Variants in FER1L6 observed in about 807,000 individuals in gnomAD.
The protein encoded by FER1L6 is fer-1-like protein 6.
FER1L6 carries 177 observed loss-of-function variants against 219.2 expected under a neutral mutation model. The observed-to-expected ratio is 0.81, with a 90% confidence interval of 0.71 to 0.91. FER1L6 has a LOEUF of 0.91. Ranked by LOEUF, FER1L6 falls within the 40% of genes least tolerant of loss-of-function variation. FER1L6 has a pLI of 0.00. For synonymous variants in FER1L6, 768 were observed against 824.3 expected, an observed-to-expected ratio of 0.93 and a Z score of 1.17; for missense variants, 2,153 against 2,259.9, an observed-to-expected ratio of 0.95 and a Z score of 0.96.
chr8:123,891,542 A>G lies in FER1L6; in HGVS notation c.-8+39357A>G, dbSNP rs1016810928. ...AGAATGTTAGCAATTAGATACATGC[A>G]ATGAGTAACCTACTTTAATACAGTG... On this transcript the variant is annotated intron_variant, in intron 1 of 40. Coordinates refer to ENST00000522917, the MANE Select transcript of FER1L6 (RefSeq NM_001039112.2). 5.3e-5 allele frequency among the ~76,000 whole-genome samples: 8 copies of G among 152,354 alleles called. No individual in the cohort carries two copies. In the East Asian group the frequency reaches 1.5e-3, roughly 29 times the overall value.
chr8:124,076,431 C>A, intron 32 of FER1L6, 106 bp downstream of exon 32: 2 of 1,135,602 alleles, frequency 1.8e-6, no homozygotes, highest in Non-Finnish European at 2.6e-6. Context: ...TGAAATGGTT[C>A]CAGGAGGTTA....
rs1402824205 is a variant in FER1L6, at chr8:124,094,961, G to C, written c.4618G>C (p.Glu1540Gln). 1 of 1,614,032 alleles carries C rather than the reference G, an allele frequency of 6.2e-7. No homozygotes were observed. The highest frequency in any genetic ancestry group is 8.5e-7 in the Non-Finnish European group (1 of 1,180,004). The change falls in exon 35 of 41, where the codon GAA (glutamate) becomes CAA (glutamine). Residue 1540 changes from glutamate to glutamine, a missense_variant. Coordinates refer to ENST00000522917, the MANE Select transcript of FER1L6 (RefSeq NM_001039112.2). Reference sequence around the variant, plus strand: ...TTTACACTCTTGGGAGGATATCCCGGAAGTCGGGTGTAGGCTGGTTCCTGA... The same window carrying C: ...TTTACACTCTTGGGAGGATATCCCGCAAGTCGGGTGTAGGCTGGTTCCTGA... ...KVLHSWEDIPEVGCRLVPEHI... is the reference protein window; with the variant it reads ...KVLHSWEDIPQVGCRLVPEHI...
chr8:124,057,559 G>A (rs1046717316), intron 22 of FER1L6, among the ~76,000 whole-genome samples: 7 of 152,038 alleles, frequency 4.6e-5, no homozygotes, highest in African/African-American at 1.7e-4. Context: ...CTTCTGTCCT[G>A]TTCTATTCCT....
At chr8:123,854,050 C>T (rs578160392) in intron 1 of FER1L6, among the ~76,000 whole-genome samples, 51 of 152,278 alleles carry the variant, frequency 3.3e-4, no homozygotes, top group Non-Finnish European at 4.6e-4. Context: ...CTGGCAGGCT[C>T]CTGTCAGTCC....
intron 6 of FER1L6, among the ~76,000 whole-genome samples, chr8:123,971,735 G>A (rs1815825433): frequency 6.6e-6 from 1 of 152,210 alleles, no homozygotes; most frequent in Non-Finnish European, 1.5e-5. Flanking sequence ...TACGACATGG[G>A]ATAAGAAGTG....
intron 1 of FER1L6, chr8:123,924,655 C>CA (rs987075174): frequency 6.6e-6 from 1 of 152,228 alleles, no homozygotes; most frequent in African/African-American, 2.4e-5. Flanking sequence ...CCCTGGCACT[C>CA]AGAGGCATCC....
chr8:124,037,362 G>A (rs186663298), intron 19 of FER1L6, among the ~76,000 whole-genome samples: 54 of 152,290 alleles, frequency 3.5e-4, no homozygotes, highest in Non-Finnish European at 6.9e-4. Flanking sequence ...CACTCCTGTC[G>A]GGAAATCCCT....
chr8:124,043,775 G>A (rs1376153350), intron 20 of FER1L6, among the ~76,000 whole-genome samples: 2 of 152,216 alleles, frequency 1.3e-5, no homozygotes, highest in Admixed American at 6.5e-5. Flanking sequence ...CACTGAATGA[G>A]GACGAAGTTA....
At chr8:124,113,114 A>G (rs1032272586) in intron 39 of FER1L6, among the ~76,000 whole-genome samples, 1 of 152,160 alleles carries the variant, frequency 6.6e-6, no homozygotes, top group African/African-American at 2.4e-5. Context: ...ACATTATACT[A>G]GCAATATTAT....
chr8:124,079,401 T>TA (rs1821435709), intron 32 of FER1L6, among the ~76,000 whole-genome samples: 1 of 152,222 alleles, frequency 6.6e-6, no homozygotes, highest in Non-Finnish European at 1.5e-5. Context: ...AAAGCCTACT[T>TA]AGATTATCAA....
At chr8:124,019,293 ACT>A (rs1818346874) in intron 16 of FER1L6, among the ~76,000 whole-genome samples, 1 of 151,984 alleles carries the variant, frequency 6.6e-6, no homozygotes, top group South Asian at 2.1e-4. Flanking sequence ...CTGTCTTCTT[ACT>A]CTCTGATGAA....
chr8:124,029,279 C>A (rs1818855040), intron 18 of FER1L6, among the ~76,000 whole-genome samples: 1 of 152,108 alleles, frequency 6.6e-6, no homozygotes, highest in Non-Finnish European at 1.5e-5. Context: ...ATTTATAATC[C>A]TTTGGGTATA....
intron 1 of FER1L6, among the ~76,000 whole-genome samples, chr8:123,893,615 T>C (rs919796004): frequency 7.9e-5 from 12 of 152,354 alleles, no homozygotes; most frequent in African/African-American, 2.9e-4. Flanking sequence ...TGTGTTTATT[T>C]GCATACATTT....
chr8:124,061,722 A>G, intron 24 of FER1L6, 130 bp from the exon 25 acceptor site: 1 of 794,630 alleles, frequency 1.3e-6, no homozygotes, highest in Non-Finnish European at 2.0e-6. Context: ...GAGTTTTGGC[A>G]ATCTGCAGGA....
chr8:123,870,359 G>A (rs554641222), intron 1 of FER1L6, among the ~76,000 whole-genome samples: 1 of 152,130 alleles, frequency 6.6e-6, no homozygotes, highest in Non-Finnish European at 1.5e-5. Flanking sequence ...AATGTTTATA[G>A]CAGATTTATT....
chr8:123,977,983 G>T lies in FER1L6; in HGVS notation c.1063+374G>T, dbSNP rs181323542. Among the ~76,000 whole-genome samples the T allele has an allele frequency of 3.9e-5, 6 of 152,288 alleles. No homozygotes were observed. In the East Asian group the frequency reaches 1.2e-3, roughly 29 times the overall value. On this transcript the variant is annotated intron_variant, in intron 10 of 40. Transcript: ENST00000522917. The stretch of plus-strand genomic sequence containing the variant: ...CCCAGTTCCTAACAGGATGGGTACT[G>T]GTCCATGGCTCTGGGCGGTCAGGAG...
chr8:123,906,892 A>G (rs112733814), intron 1 of FER1L6, among the ~76,000 whole-genome samples: 14 of 152,080 alleles, frequency 9.2e-5, no homozygotes, highest in African/African-American at 2.9e-4. Context: ...ATGATGTCCA[A>G]TTTCACGTCT....
intron 22 of FER1L6, among the ~76,000 whole-genome samples, chr8:124,053,942 A>AGTT (rs1464972600): frequency 6.6e-6 from 1 of 152,106 alleles, no homozygotes; most frequent in Admixed American, 6.5e-5. Flanking sequence ...CCTCTATCCA[A>AGTT]GTTAGCTGCC....
intron 1 of FER1L6, among the ~76,000 whole-genome samples, chr8:123,885,397 T>A (rs1276945043): frequency 6.6e-6 from 1 of 152,200 alleles, no homozygotes; most frequent in Non-Finnish European, 1.5e-5. Context: ...TCTCTCTCAG[T>A]GAGCTGTTGC....
Sources: gnomAD v4.1 joint callset for allele counts (sites outside exome capture counted in the v4.1 genomes callset) on GRCh38, gnomAD v4.1.1 for gene constraint, MANE v1.5 for transcripts, NCBI Gene and HGNC (gene_info 2026-07-23, HGNC 2026-07-21) for gene names.